SEMA5A: variants seen among roughly 807,000 people sequenced by gnomAD.
SEMA5A encodes the protein semaphorin 5A.
In SEMA5A, 55 loss-of-function variants were observed where a neutral mutation model predicts 135.5. The observed-to-expected ratio is 0.41, with a 90% CI of 0.33 to 0.51. The LOEUF is 0.51. Ranked by LOEUF, SEMA5A falls within the 20% of genes least tolerant of loss-of-function variation. The pLI is 0.37. For synonymous variants in SEMA5A, 580 were observed against 546.5 expected (o/e 1.06, Z -0.85); for missense variants, 1,290 against 1,419.9 (o/e 0.91, Z 1.47).
intron 5 of SEMA5A, among the ~76,000 whole-genome samples, chr5:9,288,138 G>A (rs1750890596): frequency 6.6e-6 from 1 of 152,190 alleles, no homozygotes; most frequent in Admixed American, 6.5e-5. Flanking sequence ...GATACTTTAT[G>A]AATCAAGGGT....
At chr5:9,211,359 G>T (rs1417791681) in intron 8 of SEMA5A, among the ~76,000 whole-genome samples, 3 of 152,094 alleles carry the variant, frequency 2.0e-5, no homozygotes, top group South Asian at 2.1e-4. Flanking sequence ...TTGCATTTTG[G>T]TACCCACATA....
intron 3 of SEMA5A, among the ~76,000 whole-genome samples, chr5:9,367,636 A>G (rs1754972893): frequency 6.6e-6 from 1 of 152,224 alleles, no homozygotes; most frequent in Non-Finnish European, 1.5e-5. Context: ...TTCTTATGCC[A>G]AGTTAACATG....
intron 13 of SEMA5A, among the ~76,000 whole-genome samples, chr5:9,133,787 T>C (rs917543193): frequency 2.0e-5 from 3 of 150,384 alleles, no homozygotes; most frequent in Non-Finnish European, 4.4e-5. Context: ...TTTCTTTCTT[T>C]TTTTTTTTTT....
intron 16 of SEMA5A, among the ~76,000 whole-genome samples, chr5:9,103,703 T>C (rs1739751507): frequency 2.6e-5 from 4 of 152,232 alleles, no homozygotes; most frequent in Admixed American, 2.6e-4. Flanking sequence ...TTGGCTCTGA[T>C]ACAGCAAAAA....
At chr5:9,352,858 GAGT>G (rs1309016059) in intron 3 of SEMA5A, among the ~76,000 whole-genome samples, 1 of 152,068 alleles carries the variant, frequency 6.6e-6, no homozygotes, top group Non-Finnish European at 1.5e-5. Flanking sequence ...TACACTGGCA[GAGT>G]TGAGTTCAGA....
intron 5 of SEMA5A, among the ~76,000 whole-genome samples, chr5:9,264,431 T>C (rs1296519670): frequency 6.6e-6 from 1 of 152,194 alleles, no homozygotes; most frequent in Admixed American, 6.5e-5. Flanking sequence ...ATAACGCATT[T>C]TATTTCAATA....
At chr5:9,299,149 C>T (rs3734151) in intron 5 of SEMA5A, among the ~76,000 whole-genome samples, 134,909 of 152,106 alleles carry the variant, frequency 0.89, 60,746 homozygotes, top group East Asian at 0.97. Context: ...CTAATGTGCG[C>T]GCAAATCTCA....
chr5:9,075,480 G>A (rs1374446712), intron 16 of SEMA5A, among the ~76,000 whole-genome samples: 1 of 150,774 alleles, frequency 6.6e-6, no homozygotes, highest in Non-Finnish European at 1.5e-5. Flanking sequence ...ATATTAATCA[G>A]CAATTAAAAG....
intron 2 of SEMA5A, among the ~76,000 whole-genome samples, chr5:9,410,446 T>C (rs1318921906): frequency 6.6e-6 from 1 of 152,226 alleles, no homozygotes; most frequent in Non-Finnish European, 1.5e-5. Flanking sequence ...TCCGCAGGAT[T>C]GGGATTTTCA....
At chr5:9,419,441 A>T (rs1378997109) in intron 2 of SEMA5A, among the ~76,000 whole-genome samples, 1 of 152,218 alleles carries the variant, frequency 6.6e-6, no homozygotes, top group Admixed American at 6.5e-5. Flanking sequence ...GAGGAAGGGC[A>T]GTGCAAAGTC....
At chr5:9,338,597 A>G (rs1460554795) in intron 3 of SEMA5A, among the ~76,000 whole-genome samples, 14 of 152,214 alleles carry the variant, frequency 9.2e-5, no homozygotes, top group Non-Finnish European at 1.5e-5. Flanking sequence ...TGAGTTGCCC[A>G]CCAAACGTGG....
At chr5:9,133,971 GA>G (rs1741585932) in intron 13 of SEMA5A, among the ~76,000 whole-genome samples, 1 of 152,004 alleles carries the variant, frequency 6.6e-6, no homozygotes, top group African/African-American at 2.4e-5. Context: ...TCCTGATAGT[GA>G]GGGAGTTCTC....
intron 3 of SEMA5A, among the ~76,000 whole-genome samples, chr5:9,377,658 A>C (rs897130434): frequency 2.0e-5 from 3 of 152,226 alleles, no homozygotes; most frequent in Non-Finnish European, 4.4e-5. Flanking sequence ...AGGCAAAGAA[A>C]TAATTAGGTT....
intron 12 of SEMA5A, among the ~76,000 whole-genome samples, chr5:9,142,980 T>C (rs973677996): frequency 4.6e-5 from 7 of 152,070 alleles, no homozygotes; most frequent in African/African-American, 1.7e-4. Context: ...ACAAATTATC[T>C]TACAAAAAAT....
intron 3 of SEMA5A, among the ~76,000 whole-genome samples, chr5:9,353,168 AAGGAAGGGAAAGGAAGGGAAG>A (rs1482708349): frequency 8.6e-5 from 10 of 116,146 alleles, no homozygotes; most frequent in African/African-American, 2.8e-4. Context: ...AAAGGAGGGA[AAGGAAGGGAAAGGAAGGGAAG>A]GGAAAGGAAA....
chr5:9,544,827 G>A (rs1364684242), intron 1 of SEMA5A, among the ~76,000 whole-genome samples: 1 of 152,202 alleles, frequency 6.6e-6, no homozygotes, highest in Non-Finnish European at 1.5e-5. Context: ...GGAGCGAGCC[G>A]GGGGAATCAC....
At chr5:9,449,802 G>A (rs1276526970) in intron 1 of SEMA5A, among the ~76,000 whole-genome samples, 2 of 152,112 alleles carry the variant, frequency 1.3e-5, no homozygotes, top group South Asian at 4.1e-4. Flanking sequence ...GGTAACGTTT[G>A]GCAGATAGCA....
chr5:9,384,661 T>TACATAGATAG (rs1214516553), intron 2 of SEMA5A, among the ~76,000 whole-genome samples: 1 of 66,482 alleles, frequency 1.5e-5, no homozygotes, highest in Non-Finnish European at 3.4e-5. Context: ...GATAGATAGA[T>TACATAGATAG]ATAGATAGAT....
intron 19 of SEMA5A, 109 bp downstream of exon 19, chr5:9,053,976 ACC>A (rs888733964): frequency 1.6e-6 from 2 of 1,287,802 alleles, no homozygotes; most frequent in Non-Finnish European, 2.1e-6. Flanking sequence ...TAACTTGCCC[ACC>A]CCCCTTTCAG....
Sources: allele counts gnomAD v4.1 joint callset (sites outside exome capture counted in the v4.1 genomes callset), GRCh38; gene constraint gnomAD v4.1.1; transcripts MANE v1.5; gene names NCBI Gene and HGNC (gene_info 2026-07-23, HGNC 2026-07-21).